Variants in PLXNA2 observed in about 807,000 individuals in gnomAD.
PLXNA2 encodes the protein plexin A2, also known as plexin-A2.
A neutral mutation model predicts 193.5 loss-of-function variants in PLXNA2; 91 were observed. The ratio of observed to expected loss-of-function variants is 0.47; its 90% CI spans 0.40 to 0.56. The LOEUF (loss-of-function observed/expected upper bound fraction) is 0.56, where lower values mean the gene tolerates loss of function less well. PLXNA2 is among the 20% of genes least tolerant of loss of function. The pLI is 0.00. For missense variants in PLXNA2, 1,995 were observed against 2,503.2 expected (o/e 0.80, Z 4.33); for synonymous variants, 997 against 1,027.3 (o/e 0.97, Z 0.56).
chr1:208,139,916 A>G (rs1481485036), intron 4 of PLXNA2, among the ~76,000 whole-genome samples: 1 of 152,168 alleles, frequency 6.6e-6, no homozygotes, highest in Non-Finnish European at 1.5e-5. Flanking sequence ...ACGGCTCTCC[A>G]GGTGACAGGC....
Position 208,094,899 on chromosome 1 carries a change from T to G in PLXNA2, c.1982+1130A>C. 1.3e-5 allele frequency among the ~76,000 whole-genome samples: 2 copies of G among 152,210 alleles called. 1 individual carries two copies. The highest frequency in any genetic ancestry group is 4.8e-5 in the African/African-American group (2 of 41,446). ...GGACTAGCTTATTTGCCTCTTCTAA[T>G]GACTAAAGATTCCTTTAGGGTTTAG... On this transcript the variant is annotated intron_variant, in intron 8 of 31. Transcript: ENST00000367033.
At position 208,027,096 on chromosome 1, in the gene PLXNA2, G is replaced by A; in HGVS notation, c.*147C>T. 1 of 709,948 alleles carries A rather than the reference G, an allele frequency of 1.4e-6. No homozygotes were observed. The highest frequency in any genetic ancestry group is 2.4e-6 in the Non-Finnish European group (1 of 423,096). 44.0% of individuals were successfully genotyped at this position (709,948 alleles called of 1,614,324 possible). On this transcript the variant is annotated 3_prime_UTR_variant, in exon 32 of 32. Coordinates refer to ENST00000367033, the MANE Select transcript of PLXNA2 (RefSeq NM_025179.4). ...TATGACGAAACTTGGCTGGCGTAGGGAGAGGAGTCCTCCCCTCTCCCCAGG... is the reference window on the plus strand; with the variant it reads ...TATGACGAAACTTGGCTGGCGTAGGAAGAGGAGTCCTCCCCTCTCCCCAGG...
At chr1:208,133,051 G>C (rs919391918) in intron 4 of PLXNA2, among the ~76,000 whole-genome samples, 1 of 152,082 alleles carries the variant, frequency 6.6e-6, no homozygotes, top group Non-Finnish European at 1.5e-5. Flanking sequence ...CGGAGTCACT[G>C]CCCCCTCAGA....
At chr1:208,129,416 G>GA (rs1668080217) in intron 4 of PLXNA2, among the ~76,000 whole-genome samples, 1 of 152,136 alleles carries the variant, frequency 6.6e-6, no homozygotes, top group South Asian at 2.1e-4. Flanking sequence ...GGGGCTGGGG[G>GA]AATCCCTCTT....
intron 17 of PLXNA2, among the ~76,000 whole-genome samples, chr1:208,049,772 C>A (rs1448763958): frequency 1.3e-5 from 2 of 152,196 alleles, no homozygotes. Context: ...CCTTCTAACA[C>A]TCTGTCATTT....
chr1:208,095,816 G>T (rs1321379571), intron 8 of PLXNA2, among the ~76,000 whole-genome samples: 2 of 152,174 alleles, frequency 1.3e-5, no homozygotes, highest in Admixed American at 6.5e-5. Context: ...TGGCATCCAA[G>T]GATTCAGAGA....
intron 3 of PLXNA2, among the ~76,000 whole-genome samples, chr1:208,184,265 T>C (rs1158208739): frequency 6.6e-6 from 1 of 151,660 alleles, no homozygotes; most frequent in Non-Finnish European, 1.5e-5. Context: ...AACCCGAAGG[T>C]TTTCTTTAGA....
At chr1:208,133,245 C>T (rs1464381161) in intron 4 of PLXNA2, among the ~76,000 whole-genome samples, 1 of 152,226 alleles carries the variant, frequency 6.6e-6, no homozygotes, top group Admixed American at 6.5e-5. Flanking sequence ...TCATTGAATA[C>T]ATAGTACATC....
intron 4 of PLXNA2, among the ~76,000 whole-genome samples, chr1:208,122,282 C>A (rs1350308871): frequency 6.6e-6 from 1 of 152,106 alleles, no homozygotes; most frequent in Non-Finnish European, 1.5e-5. Flanking sequence ...CAATAAATAA[C>A]CAGGCCCAGC....
chr1:208,038,359 A>G lies in PLXNA2; in HGVS notation c.4764+12T>C, dbSNP rs1381319512. On this transcript the variant is annotated intron_variant, in intron 26 of 31. Transcript: ENST00000367033. The surrounding 1 kb of genome is among the most constrained non-coding windows in gnomAD (Gnocchi z 4.1). The stretch of plus-strand genomic sequence containing the variant: ...TGGGAAGCTGAAGAGGGGAAAAGAC[A>G]CCCCCTCTCACCTGATAATGCATCA... 1 of 1,549,400 alleles carries G rather than the reference A, an allele frequency of 6.5e-7. No individual in the cohort carries two copies. The highest frequency in any genetic ancestry group is 1.7e-5 in the Admixed American group (1 of 59,896).
chr1:208,045,975 T>C lies in PLXNA2; in HGVS notation c.3398A>G (p.Asn1133Ser). 6.2e-7 allele frequency: 1 copy of C among 1,614,192 alleles called. No homozygotes were observed. The highest frequency in any genetic ancestry group is 8.5e-7 in the Non-Finnish European group (1 of 1,180,032). Residue 1133 changes from asparagine to serine, a missense_variant, in exon 18 of 32, where the codon AAC becomes AGC. Asn to Ser is a conservative substitution (Grantham distance 46, BLOSUM62 1). This residue lies in a region of PLXNA2 where 1,291 missense variants were observed against 1,673.6 expected (regional missense o/e 0.77). Coordinates refer to ENST00000367033, the MANE Select transcript of PLXNA2 (RefSeq NM_025179.4). Reference sequence around the variant, plus strand: ...GGGGTAGTAGATAAACTTGGTGTCGTTGTAAATTAGCAAGGATTGGACATT... The same window carrying C: ...GGGGTAGTAGATAAACTTGGTGTCGCTGTAAATTAGCAAGGATTGGACATT... ...FNNVQSLLIYNDTKFIYYPNP... is the reference protein window; with the variant it reads ...FNNVQSLLIYSDTKFIYYPNP...
At chr1:208,210,767 C>T (rs775389970) in intron 2 of PLXNA2, among the ~76,000 whole-genome samples, 1 of 152,174 alleles carries the variant, frequency 6.6e-6, no homozygotes. Flanking sequence ...TGCCTGAACT[C>T]ATTTTCTATT....
intron 3 of PLXNA2, among the ~76,000 whole-genome samples, chr1:208,195,813 G>C (rs897366564): frequency 6.6e-5 from 10 of 151,956 alleles, no homozygotes; most frequent in African/African-American, 2.4e-4. Flanking sequence ...TTTGATGGTG[G>C]GGGGAGGTTG....
intron 4 of PLXNA2, among the ~76,000 whole-genome samples, chr1:208,124,011 A>G (rs1667885912): frequency 6.6e-6 from 1 of 152,206 alleles, no homozygotes; most frequent in Admixed American, 6.5e-5. Flanking sequence ...TTCACTCTGC[A>G]CTGACGTCTA....
intron 1 of PLXNA2, among the ~76,000 whole-genome samples, chr1:208,228,730 C>T (rs530957257): frequency 6.6e-6 from 1 of 152,290 alleles, no homozygotes; most frequent in South Asian, 2.1e-4. Flanking sequence ...CCCAGAGTGA[C>T]TCCTCTCCCA....
At chr1:208,086,990 T>TGA (rs57506358) in intron 9 of PLXNA2, among the ~76,000 whole-genome samples, 43 of 138,606 alleles carry the variant, frequency 3.1e-4, no homozygotes, top group African/African-American at 1.0e-3. Flanking sequence ...TGTGTGTGTG[T>TGA]GAGAGAGAGA....
rs748328377 is a variant in PLXNA2, at chr1:208,217,192, A to T, written c.731T>A (p.Ile244Asn). The T allele has an allele frequency of 6.2e-7, 1 of 1,614,212 alleles. No individual in the cohort carries two copies. Among genetic ancestry groups the T allele is most frequent in the South Asian group, 1.1e-5 (1 of 91,080 alleles). Residue 244 changes from isoleucine (I) to asparagine (N), a missense_variant, in exon 2 of 32, where the codon ATC (isoleucine) becomes AAC (asparagine). Physicochemically the swap from Ile to Asn is moderately radical, Grantham distance 149. This residue lies in a region of PLXNA2 where 702 missense variants were observed against 812.9 expected (regional missense o/e 0.86). Coordinates refer to ENST00000367033, the MANE Select transcript of PLXNA2 (RefSeq NM_025179.4). The surrounding 1 kb of genome is among the most constrained non-coding windows in gnomAD (Gnocchi z 4.7). Reference protein sequence around the residue: ...ALVSHFDIFYIYGFASGGFVY... With the variant: ...ALVSHFDIFYNYGFASGGFVY... ...AAAGCCCCCACTAGCAAAGCCGTAG[A>T]TGTAGAAGATGTCAAAGTGGGAGAC... is the stretch of plus-strand genomic sequence containing the variant.
chr1:208,189,525 G>A (rs371329714), intron 3 of PLXNA2, among the ~76,000 whole-genome samples: 24 of 148,458 alleles, frequency 1.6e-4, no homozygotes, highest in African/African-American at 4.5e-4. Flanking sequence ...AAAAAAAAGC[G>A]AACCTGGGGC....
At chr1:208,056,477 C>T (rs1665435305) in intron 13 of PLXNA2, among the ~76,000 whole-genome samples, 3 of 152,168 alleles carry the variant, frequency 2.0e-5, no homozygotes, top group South Asian at 2.1e-4. Context: ...CTTCCCTGGG[C>T]CCTGGGTCTG....
Sources: allele counts gnomAD v4.1 joint callset (sites outside exome capture counted in the v4.1 genomes callset), GRCh38; gene constraint gnomAD v4.1.1; regional missense constraint gnomAD v4.1.1; non-coding constraint Gnocchi (gnomAD v3.1); transcripts MANE v1.5; gene names NCBI Gene and HGNC (gene_info 2026-07-23, HGNC 2026-07-21).